The following GLIS3 variants were observed in gnomAD, a reference collection of about 807,000 sequenced individuals.
GLIS3 encodes GLIS family zinc finger 3, also known as zinc finger protein GLIS3.
GLIS3 carries 53 observed loss-of-function variants against 78.6 expected under a neutral mutation model. The observed-to-expected ratio is 0.67, with a 90% confidence interval of 0.54 to 0.85. The LOEUF is 0.85. Among genes scored for constraint, GLIS3 ranks in the 40% least tolerant of loss-of-function variants. The pLI is 0.00. For missense variants in GLIS3, 1,703 were observed against 1,231.1 expected, an observed-to-expected ratio of 1.38 and a Z score of -5.74; for synonymous variants, 684 against 509.9, an observed-to-expected ratio of 1.34 and a Z score of -4.60.
At chr9:4,314,324 T>C (rs1378914095) in intron 2 of GLIS3, among the ~76,000 whole-genome samples, 1 of 152,236 alleles carries the variant, frequency 6.6e-6, no homozygotes, top group African/African-American at 2.4e-5. Flanking sequence ...CCAGGCTGCA[T>C]GTCTTGGCAC....
At chr9:4,216,565 A>C (rs1820869280) in intron 2 of GLIS3, among the ~76,000 whole-genome samples, 1 of 151,916 alleles carries the variant, frequency 6.6e-6, no homozygotes, top group Admixed American at 6.6e-5. Flanking sequence ...TTGGACTTAG[A>C]GCCCCAGCCA....
At chr9:4,363,659 C>T in the GLIS3 span, among the ~76,000 whole-genome samples, 2 of 152,180 alleles carry the variant, frequency 1.3e-5, no homozygotes, top group Non-Finnish European at 2.9e-5. Context: ...ACTGGATTCT[C>T]TCCACCTCTA....
At chr9:4,288,861 G>C (rs1828216509) in intron 1 of GLIS3, among the ~76,000 whole-genome samples, 2 of 151,914 alleles carry the variant, frequency 1.3e-5, no homozygotes, top group African/African-American at 4.8e-5. Context: ...AGCAAAACCA[G>C]CCTCAAGACA....
chr9:4,308,033 G>T (rs1337803941), intron 4 of GLIS3, among the ~76,000 whole-genome samples: 1 of 152,076 alleles, frequency 6.6e-6, no homozygotes, highest in African/African-American at 2.4e-5. Flanking sequence ...ACCAAACACT[G>T]CTGGCTCTGG....
At chr9:4,072,046 G>T (rs115623872) in intron 4 of GLIS3, among the ~76,000 whole-genome samples, 168 of 152,270 alleles carry the variant, frequency 1.1e-3, no homozygotes, top group African/African-American at 3.9e-3. Flanking sequence ...CATATGCTAG[G>T]TCTTCCTGTT....
In GLIS3 at chr9:3,915,369, T is replaced by G. The variant is rs931623714; in HGVS notation, c.1984-16534A>C. Among the ~76,000 whole-genome samples the G allele has an allele frequency of 2.0e-5, 3 of 151,998 alleles. No homozygotes were observed. In the East Asian group the frequency reaches 5.8e-4, roughly 29 times the overall value. On this transcript the variant is annotated intron_variant, in intron 6 of 10. Transcript: ENST00000381971. ...TTGCAAGAATGATGAGGACTGTCAG[T>G]GGCTGCTCACGGTATACAGATTCCA...
At chr9:4,200,695 C>G (rs1056241654) in intron 2 of GLIS3, among the ~76,000 whole-genome samples, 2 of 151,840 alleles carry the variant, frequency 1.3e-5, no homozygotes, top group Non-Finnish European at 2.9e-5. Flanking sequence ...AAAATCCTAC[C>G]AACCAAAAAA....
chr9:3,896,878 C>G (rs1445786005), intron 7 of GLIS3, among the ~76,000 whole-genome samples: 1 of 152,132 alleles, frequency 6.6e-6, no homozygotes, highest in Non-Finnish European at 1.5e-5. Context: ...AAACCTACCA[C>G]AGCCGGAGGC....
At chr9:4,362,773 A>G in the GLIS3 span, among the ~76,000 whole-genome samples, 1 of 152,184 alleles carries the variant, frequency 6.6e-6, no homozygotes, top group South Asian at 2.1e-4. Context: ...TTCATTCCAC[A>G]AATAGAGCAA....
At chr9:4,290,819 G>T (rs888519774) in intron 1 of GLIS3, among the ~76,000 whole-genome samples, 1 of 152,112 alleles carries the variant, frequency 6.6e-6, no homozygotes, top group Non-Finnish European at 1.5e-5. Context: ...ATTTTAACCA[G>T]AGGAAAGTGC....
intron 4 of GLIS3, chr9:4,034,619 T>G (rs931770409): frequency 6.6e-6 from 1 of 152,210 alleles, no homozygotes; most frequent in Non-Finnish European, 1.5e-5. Flanking sequence ...TGCTGCTGCT[T>G]TTGCAGACTG....
intron 2 of GLIS3, among the ~76,000 whole-genome samples, chr9:4,167,053 G>A (rs184735245): frequency 2.8e-4 from 43 of 151,972 alleles, no homozygotes; most frequent in Non-Finnish European, 4.7e-4. Context: ...GACGCAAGTG[G>A]AGAATCAGAA....
At chr9:3,943,000 T>C (rs905565460) in intron 4 of GLIS3, among the ~76,000 whole-genome samples, 7 of 148,246 alleles carry the variant, frequency 4.7e-5, no homozygotes, top group African/African-American at 1.2e-4. Flanking sequence ...GGGAAGATAA[T>C]AGGAAAAAAA....
intron 9 of GLIS3, among the ~76,000 whole-genome samples, chr9:3,832,481 A>G (rs1214656456): frequency 6.6e-6 from 1 of 152,064 alleles, no homozygotes; most frequent in African/African-American, 2.4e-5. Flanking sequence ...TGGCTCCTCA[A>G]TCCTGCACTA....
chr9:4,246,455 G>C (rs1255164799), intron 2 of GLIS3, among the ~76,000 whole-genome samples: 1 of 152,180 alleles, frequency 6.6e-6, no homozygotes, highest in East Asian at 1.9e-4. Context: ...CACAACTCAA[G>C]AGGTATGGTC....
chr9:4,214,799 G>C (rs1392457142), intron 2 of GLIS3, among the ~76,000 whole-genome samples: 1 of 152,112 alleles, frequency 6.6e-6, no homozygotes, highest in Non-Finnish European at 1.5e-5. Context: ...TGCGTAGCTG[G>C]GAAACATGTT....
intron 9 of GLIS3, among the ~76,000 whole-genome samples, chr9:3,838,744 G>GAAAA (rs1818523075): frequency 6.6e-6 from 1 of 151,884 alleles, no homozygotes; most frequent in Non-Finnish European, 1.5e-5. Flanking sequence ...TGATGGGAAA[G>GAAAA]GAAAAGGGAC....
At chr9:4,058,162 C>T (rs1826301677) in intron 4 of GLIS3, among the ~76,000 whole-genome samples, 1 of 152,024 alleles carries the variant, frequency 6.6e-6, no homozygotes, top group South Asian at 2.1e-4. Context: ...GAAGTAAATC[C>T]AGGATTTAGC....
At chr9:4,389,811 A>G in the GLIS3 span, among the ~76,000 whole-genome samples, 1 of 152,226 alleles carries the variant, frequency 6.6e-6, no homozygotes, top group Non-Finnish European at 1.5e-5. Context: ...CAATTCAACA[A>G]TAATTTGTTG....
Sources: gnomAD v4.1 joint callset for allele counts (sites outside exome capture counted in the v4.1 genomes callset) on GRCh38, gnomAD v4.1.1 for gene constraint, MANE v1.5 for transcripts, NCBI Gene and HGNC (gene_info 2026-07-23, HGNC 2026-07-21) for gene names.